The following CDH18 variants were observed in gnomAD, a reference collection of about 807,000 sequenced individuals.
CDH18 encodes the protein cadherin 18, also known as cadherin-18.
A neutral mutation model predicts 67.9 loss-of-function variants in CDH18; 31 were observed. The observed-to-expected ratio is 0.46, with a 90% CI of 0.34 to 0.62. CDH18 has a LOEUF of 0.62. Among genes scored for constraint, CDH18 ranks in the 20% least tolerant of loss-of-function variants. The pLI is 0.01. For synonymous variants in CDH18, 362 were observed against 347.2 expected (o/e 1.04, Z -0.48); for missense variants, 890 against 975.5 (o/e 0.91, Z 1.17).
At chr5:20,197,278 C>T (rs1739058926) in intron 2 of CDH18, among the ~76,000 whole-genome samples, 1 of 152,140 alleles carries the variant, frequency 6.6e-6, no homozygotes, top group Admixed American at 6.5e-5. Flanking sequence ...TCCCAAAGTG[C>T]TAGTATTAAG....
intron 2 of CDH18, among the ~76,000 whole-genome samples, chr5:20,086,803 C>T (rs1190228039): frequency 6.6e-6 from 1 of 152,130 alleles, no homozygotes; most frequent in Non-Finnish European, 1.5e-5. Flanking sequence ...GATAAGGTAC[C>T]TGGTCACCCA....
chr5:20,451,128 T>C (rs926437957), intron 1 of CDH18, among the ~76,000 whole-genome samples: 5 of 152,208 alleles, frequency 3.3e-5, no homozygotes, highest in African/African-American at 4.8e-5. Flanking sequence ...TTCATTATTC[T>C]TTATTGTAAT....
intron 2 of CDH18, among the ~76,000 whole-genome samples, chr5:19,912,908 G>A (rs909833758): frequency 6.6e-6 from 1 of 152,120 alleles, no homozygotes; most frequent in Non-Finnish European, 1.5e-5. Context: ...CAGGGTCTGG[G>A]TGATTCTCAA....
intron 5 of CDH18, among the ~76,000 whole-genome samples, chr5:19,639,881 A>G (rs1174925387): frequency 6.6e-6 from 1 of 152,232 alleles, no homozygotes; most frequent in African/African-American, 2.4e-5. Context: ...GAGAAAAGCA[A>G]TTCATCACAT....
chr5:19,807,431 ATAC>A lies in CDH18; in HGVS notation c.228+31325_228+31327del, dbSNP rs1444359289. 5.9e-5 allele frequency among the ~76,000 whole-genome samples: 9 copies of A among 152,362 alleles called. No homozygotes were observed. The Middle Eastern group carries it at 0.01, about 173-fold the overall frequency. The stretch of plus-strand genomic sequence containing the variant: ...TAATGTGGCACATGACTGTACATTG[ATAC>A]TACATTACTTTCCTTCTTAAAAGTA... On this transcript the variant is annotated intron_variant, in intron 3 of 12. Transcript: ENST00000382275.
At chr5:20,512,207 A>G (rs567671565) in intron 1 of CDH18, among the ~76,000 whole-genome samples, 17 of 152,242 alleles carry the variant, frequency 1.1e-4, no homozygotes, top group African/African-American at 4.1e-4. Flanking sequence ...TGGGCAACAG[A>G]GTGAGACTCT....
intron 2 of CDH18, among the ~76,000 whole-genome samples, chr5:20,253,951 T>C (rs2126606569): frequency 6.6e-6 from 1 of 152,224 alleles, no homozygotes; most frequent in Middle Eastern, 3.4e-3. Flanking sequence ...GTCATCAGAT[T>C]CACCAAGTTC....
intron 3 of CDH18, among the ~76,000 whole-genome samples, chr5:19,835,617 C>T (rs1233102143): frequency 6.6e-6 from 1 of 151,770 alleles, no homozygotes; most frequent in Non-Finnish European, 1.5e-5. Context: ...TTATTTTAAG[C>T]ATATAGTAAT....
intron 8 of CDH18, among the ~76,000 whole-genome samples, chr5:19,559,714 A>T (rs1739095604): frequency 6.6e-6 from 1 of 152,062 alleles, no homozygotes; most frequent in Non-Finnish European, 1.5e-5. Flanking sequence ...TGATGAAGTC[A>T]GATTGTTGCT....
intron 1 of CDH18, among the ~76,000 whole-genome samples, chr5:20,461,500 C>T (rs142182987): frequency 5.7e-4 from 87 of 152,150 alleles, no homozygotes; most frequent in Non-Finnish European, 1.1e-3. Flanking sequence ...TTGGAGATTC[C>T]CTCAAACCTG....
chr5:19,652,279 G>C (rs935044166), intron 5 of CDH18, among the ~76,000 whole-genome samples: 1 of 152,072 alleles, frequency 6.6e-6, no homozygotes, highest in Non-Finnish European at 1.5e-5. Context: ...GACAGACCTA[G>C]TGCTATGAGA....
At chr5:19,978,606 C>T (rs1798726791) in intron 2 of CDH18, among the ~76,000 whole-genome samples, 1 of 152,130 alleles carries the variant, frequency 6.6e-6, no homozygotes, top group Non-Finnish European at 1.5e-5. Flanking sequence ...GAGCTAAAAT[C>T]AAAGTGTTAG....
rs867889287 is a variant in CDH18, at chr5:19,633,835, T to C, written c.644-21234A>G. Among the ~76,000 whole-genome samples the C allele has an allele frequency of 5.9e-5, 9 of 152,150 alleles. No individual in the cohort carries two copies. In the South Asian group the frequency reaches 1.7e-3, roughly 28 times the overall value. On this transcript the variant is annotated intron_variant, in intron 5 of 12. Coordinates refer to ENST00000382275, the MANE Select transcript of CDH18 (RefSeq NM_004934.5). ...TCAGTAGAGAAGGGGTTTCATCATG[T>C]TGCCCAGGCTGGCCTCGAACTCCTG... is the stretch of plus-strand genomic sequence containing the variant.
At chr5:19,725,684 A>G (rs1043335591) in intron 4 of CDH18, among the ~76,000 whole-genome samples, 3 of 152,132 alleles carry the variant, frequency 2.0e-5, no homozygotes, top group Non-Finnish European at 4.4e-5. Flanking sequence ...CAGGAGAATC[A>G]CTTGAACCCG....
intron 1 of CDH18, among the ~76,000 whole-genome samples, chr5:20,561,632 T>C (rs1012784034): frequency 7.9e-5 from 12 of 152,042 alleles, no homozygotes; most frequent in African/African-American, 2.9e-4. Flanking sequence ...AAGATTTTTT[T>C]AGGGAAGCTC....
rs146904641 is a variant in CDH18, at chr5:19,761,879, G to A, written c.229-14643C>T. 5.4e-3 allele frequency among the ~76,000 whole-genome samples: 827 copies of A among 152,222 alleles called. 2 individuals carry two copies. The highest frequency in any genetic ancestry group is 0.012 in the South Asian group (57 of 4,812). ...ACAGTAACCAAAACAGCATGGTACT[G>A]GTACCAAAACAGAGATATAGACCAA... On this transcript the variant is annotated intron_variant, in intron 3 of 12. Coordinates refer to ENST00000382275, the MANE Select transcript of CDH18 (RefSeq NM_004934.5).
intron 4 of CDH18, 48 bp downstream of exon 4, chr5:19,746,894 A>T (rs1387903184): frequency 3.3e-6 from 5 of 1,511,024 alleles, no homozygotes; most frequent in Admixed American, 3.6e-5. Context: ...TGACTTTTTG[A>T]TTTTCTTAAT....
chr5:19,483,669 G>C, intron 11 of CDH18, 117 bp from the exon 12 acceptor site: 1 of 1,093,958 alleles, frequency 9.1e-7, no homozygotes, highest in Non-Finnish European at 1.3e-6. Context: ...TTATGAAATG[G>C]ACAAGGGAAC....
At chr5:20,482,498 G>T (rs1423886035) in intron 1 of CDH18, among the ~76,000 whole-genome samples, 2 of 151,920 alleles carry the variant, frequency 1.3e-5, no homozygotes, top group African/African-American at 4.8e-5. Context: ...CAATATTCTT[G>T]CTGAAGGTAT....
Sources: allele counts gnomAD v4.1 joint callset (sites outside exome capture counted in the v4.1 genomes callset), GRCh38; gene constraint gnomAD v4.1.1; transcripts MANE v1.5; gene names NCBI Gene and HGNC (gene_info 2026-07-23, HGNC 2026-07-21).